Variants in EPS15L1 observed in about 807,000 individuals in gnomAD.
EPS15L1 encodes the protein epidermal growth factor receptor pathway substrate 15 like 1.
A neutral mutation model predicts 117.1 loss-of-function variants in EPS15L1; 43 were observed. The observed-to-expected ratio is 0.37, with a 90% CI of 0.29 to 0.47. EPS15L1 has a LOEUF of 0.47. Ranked by LOEUF, EPS15L1 falls within the 20% of genes least tolerant of loss-of-function variation. The pLI is 0.99. For missense variants in EPS15L1, 981 were observed against 1,164.0 expected (o/e 0.84, Z 2.29); for synonymous variants, 459 against 470.5 (o/e 0.98, Z 0.32).
chr19:16,400,670 A>T lies in EPS15L1; in HGVS notation c.1791+1651T>A, dbSNP rs996420903. 4 of 985,330 alleles carry T rather than the reference A, an allele frequency of 4.1e-6. No homozygotes were observed. In the African/African-American group the frequency reaches 7.0e-5, roughly 17 times the overall value. The allele number at this position is 985,330 out of a possible 1,614,324, so 61.0% of individuals were successfully genotyped here. A position where few individuals can be genotyped will look rare whatever the true frequency, so the allele number is the denominator to read the frequency against. On this transcript the variant is annotated intron_variant, in intron 16 of 23. Coordinates refer to ENST00000455140, the MANE Select transcript of EPS15L1 (RefSeq NM_001258374.3). ...TGTATTTGTACAACAGGATAAAAAC[A>T]GTTTTTCTTTCGGATGCCAGTTGCA...
intron 23 of EPS15L1, chr19:16,361,559 T>TA (rs1256201793): frequency 7.7e-7 from 1 of 1,299,558 alleles, no homozygotes; most frequent in African/African-American, 1.5e-5. Flanking sequence ...AACGTGCCCT[T>TA]ATGATAGAGC....
chr19:16,363,993 C>T (rs1162791769), intron 22 of EPS15L1, among the ~76,000 whole-genome samples: 1 of 152,230 alleles, frequency 6.6e-6, no homozygotes, highest in Non-Finnish European at 1.5e-5. Context: ...AGGGTTCCAC[C>T]GGGGTCGCCG....
Position 16,355,628 on chromosome 19 carries a change from T to A in EPS15L1, c.*77A>T. The A allele has an allele frequency of 6.9e-7, 1 of 1,458,282 alleles. No homozygotes were observed. The highest frequency in any genetic ancestry group is 9.2e-7 in the Non-Finnish European group (1 of 1,090,582). The allele number at this position is 1,458,282 out of a possible 1,614,324, so 90.3% of individuals were successfully genotyped here. A position where few individuals can be genotyped will look rare whatever the true frequency, so the allele number is the denominator to read the frequency against. On this transcript the variant is annotated 3_prime_UTR_variant, in exon 24 of 24. Coordinates refer to ENST00000455140, the MANE Select transcript of EPS15L1 (RefSeq NM_001258374.3). Reference sequence around the variant, plus strand: ...TGGAGTACGGTGGCGACGGTGTGTGTGTGTATATATAGACATCTGCACTGC... The same window carrying A: ...TGGAGTACGGTGGCGACGGTGTGTGAGTGTATATATAGACATCTGCACTGC...
chr19:16,453,021 C>T (rs2093161162), intron 1 of EPS15L1, among the ~76,000 whole-genome samples: 1 of 151,954 alleles, frequency 6.6e-6, no homozygotes, highest in Non-Finnish European at 1.5e-5. Flanking sequence ...AGGATGGCCT[C>T]GATCTCCTGA....
intron 13 of EPS15L1, among the ~76,000 whole-genome samples, chr19:16,408,171 C>G (rs74850110): frequency 0.024 from 3,660 of 152,222 alleles, 120 homozygotes; most frequent in Admixed American, 0.086. Flanking sequence ...AAGGAGCCAT[C>G]AGAAAGTCCC....
intron 1 of EPS15L1, among the ~76,000 whole-genome samples, chr19:16,446,294 C>T (rs1019185168): frequency 6.6e-6 from 1 of 152,174 alleles, no homozygotes; most frequent in Non-Finnish European, 1.5e-5. Context: ...ACTCTGATCC[C>T]CGCACGTGGC....
intron 22 of EPS15L1, among the ~76,000 whole-genome samples, chr19:16,375,038 G>A (rs1350707385): frequency 6.6e-6 from 1 of 152,228 alleles, no homozygotes; most frequent in Non-Finnish European, 1.5e-5. Flanking sequence ...GCATGTGTGT[G>A]TGCAGGCATG....
intron 15 of EPS15L1, 85 bp downstream of exon 15, chr19:16,403,648 A>G: frequency 3.9e-6 from 5 of 1,284,734 alleles, no homozygotes; most frequent in South Asian, 2.4e-5. Context: ...CAAGGGTGAG[A>G]GCAAAGGAGT....
At chr19:16,464,805 T>A (rs376453497) in intron 1 of EPS15L1, among the ~76,000 whole-genome samples, 5 of 151,768 alleles carry the variant, frequency 3.3e-5, no homozygotes, top group Non-Finnish European at 5.9e-5. Flanking sequence ...AATTCACGGG[T>A]GGGCATGGTG....
chr19:16,401,992 C>CAATTT, intron 16 of EPS15L1: 3 of 1,085,242 alleles, frequency 2.8e-6, no homozygotes, highest in Non-Finnish European at 3.4e-6. Context: ...GAAACTGATC[C>CAATTT]AATTTTGGTT....
chr19:16,417,740 T>TA, intron 11 of EPS15L1, 103 bp from the exon 12 acceptor site: 1 of 1,188,540 alleles, frequency 8.4e-7, no homozygotes, highest in South Asian at 1.3e-5. Flanking sequence ...GTCCCTTTAG[T>TA]ACACAGGGTG....
intron 3 of EPS15L1, 183 bp downstream of exon 3, chr19:16,441,709 G>A: frequency 4.2e-6 from 2 of 472,624 alleles, no homozygotes; most frequent in South Asian, 4.2e-5. Context: ...TACCAAAGTA[G>A]TGGTGGGGGC....
chr19:16,415,338 A>G (rs763494171), intron 12 of EPS15L1, among the ~76,000 whole-genome samples: 1 of 152,196 alleles, frequency 6.6e-6, no homozygotes, highest in Non-Finnish European at 1.5e-5. Context: ...GGTTTGTTAT[A>G]GCAGTATGAA....
At chr19:16,410,469 T>C (rs757138373) in intron 13 of EPS15L1, among the ~76,000 whole-genome samples, 44 of 152,308 alleles carry the variant, frequency 2.9e-4, no homozygotes, top group Middle Eastern at 6.8e-3. Context: ...CCTCAACAGT[T>C]ACCATGTGGC....
intron 1 of EPS15L1, among the ~76,000 whole-genome samples, chr19:16,457,134 C>A (rs898915765): frequency 6.6e-6 from 1 of 152,154 alleles, no homozygotes; most frequent in East Asian, 1.9e-4. Flanking sequence ...AATGCAGACA[C>A]CCGGAGAAGG....
chr19:16,393,147 G>C (rs1233633967), intron 18 of EPS15L1, among the ~76,000 whole-genome samples: 6 of 150,686 alleles, frequency 4.0e-5, no homozygotes, highest in African/African-American at 1.2e-4. Flanking sequence ...TAAATCCATA[G>C]AGACAGAAAA....
intron 12 of EPS15L1, 79 bp from the exon 13 acceptor site, chr19:16,413,924 C>T (rs1032180226): frequency 1.1e-4 from 125 of 1,095,414 alleles, no homozygotes; most frequent in South Asian, 9.8e-4. Context: ...ATTCTGTTCA[C>T]CCCCACAAAA....
chr19:16,420,814 G>A (rs201632135), intron 10 of EPS15L1, among the ~76,000 whole-genome samples: 2 of 152,184 alleles, frequency 1.3e-5, no homozygotes, highest in East Asian at 3.9e-4. Flanking sequence ...GGTTGAGGCC[G>A]ACTCCTCGAC....
chr19:16,413,702 C>A (rs1219566913), intron 13 of EPS15L1, 71 bp downstream of exon 13: 1 of 1,293,356 alleles, frequency 7.7e-7, no homozygotes, highest in Non-Finnish European at 1.1e-6. Context: ...CCACCACCAG[C>A]CAGGGAGGGA....
Sources: gnomAD v4.1 joint callset for allele counts (sites outside exome capture counted in the v4.1 genomes callset) on GRCh38, gnomAD v4.1.1 for gene constraint, MANE v1.5 for transcripts, NCBI Gene and HGNC (gene_info 2026-07-23, HGNC 2026-07-21) for gene names.